Variants in WDR38 observed in about 807,000 individuals in gnomAD.
WDR38 encodes the protein WD repeat domain 38, also known as WD repeat-containing protein 38.
A neutral mutation model predicts 36.6 loss-of-function variants in WDR38; 37 were observed. The observed-to-expected ratio is 1.01, with a 90% CI of 0.78 to 1.33. The LOEUF (loss-of-function observed/expected upper bound fraction) is 1.33. Among genes scored for constraint, WDR38 ranks in the 40% most tolerant of loss-of-function variants. The probability of loss-of-function intolerance (pLI) is 0.00; values close to 1 mark genes in which losing one functional copy is unlikely to be tolerated. For synonymous variants in WDR38, 164 were observed against 168.1 expected (o/e 0.98, Z 0.19); for missense variants, 411 against 414.6 (o/e 0.99, Z 0.07).
intron 5 of WDR38, 44 bp downstream of exon 5, chr9:124,856,364 AC>A (rs775926762): frequency 6.8e-6 from 11 of 1,612,964 alleles, no homozygotes; most frequent in Non-Finnish European, 5.1e-6. Flanking sequence ...GTGGCCCCAT[AC>A]CCACTTGGAG....
In WDR38 at chr9:124,853,539, G is replaced by A; in HGVS notation, c.8G>A (p.Ser3Asn). 2 of 1,246,922 alleles carry A rather than the reference G, an allele frequency of 1.6e-6. No homozygotes were observed. The highest frequency in any genetic ancestry group is 2.0e-6 in the Non-Finnish European group (2 of 988,922). 77.2% of individuals were successfully genotyped at this position (1,246,922 alleles called of 1,614,324 possible). The stretch of plus-strand genomic sequence containing the variant: ...GGGCGGGGCCGGGTGCCCATGAACA[G>A]CGGGGTCCCGGCCACGCTGGCCGTG... MN[S>N]GVPATLAVRR... Residue 3 changes from serine to asparagine, a missense_variant, in exon 1 of 9, where the codon AGC (serine) becomes AAC (asparagine). Transcript: ENST00000373574.
In WDR38 at chr9:124,857,761, C is replaced by G; in HGVS notation, c.*131C>G. The G allele has an allele frequency of 1.3e-6, 2 of 1,513,562 alleles. No homozygotes were observed. The highest frequency in any genetic ancestry group is 2.7e-5 in the African/African-American group (2 of 72,946). 93.8% of individuals were successfully genotyped at this position (1,513,562 alleles called of 1,614,324 possible). On this transcript the variant is annotated 3_prime_UTR_variant, in exon 9 of 9. Transcript: ENST00000373574. ...ATCCCCATGGCCAGGACTCTCCAGG[C>G]CCCACCAGAGCAGACAACTGTGGTG...
At position 124,853,591 on chromosome 9, in the gene WDR38, C is replaced by A; in HGVS notation, c.60C>A (p.His20Gln). 1 of 1,270,736 alleles carries A rather than the reference C, an allele frequency of 7.9e-7. No individual in the cohort carries two copies. Among genetic ancestry groups the A allele is most frequent in the Non-Finnish European group, 1.0e-6 (1 of 1,000,860 alleles). The allele number at this position is 1,270,736 out of a possible 1,614,324, so 78.7% of individuals were successfully genotyped here. Residue 20 changes from histidine (H) to glutamine (Q), a missense_variant, in exon 1 of 9, where the codon CAC becomes CAA. By Grantham distance (24) the His-to-Gln change is conservative. Coordinates refer to ENST00000373574, the MANE Select transcript of WDR38 (RefSeq NM_001045476.3). ...AVRRVKFFGQ[H>Q]GGEVNSSAFS... ...GGAGAGTGAAATTCTTCGGCCAGCACGGCGGGGAGGTGAGGTCCAGCGGGC... is the reference window on the plus strand; with the variant it reads ...GGAGAGTGAAATTCTTCGGCCAGCAAGGCGGGGAGGTGAGGTCCAGCGGGC...
chr9:124,856,120 C>T (rs1829054210), intron 4 of WDR38, 120 bp from the exon 5 acceptor site: 2 of 1,535,720 alleles, frequency 1.3e-6, no homozygotes, highest in East Asian at 2.3e-5. Context: ...GCCGCCTCTC[C>T]AGGCTTCCTT....
intron 1 of WDR38, 40 bp downstream of exon 1, chr9:124,853,640 A>T: frequency 4.8e-6 from 6 of 1,254,210 alleles, no homozygotes; most frequent in Non-Finnish European, 4.0e-6. Flanking sequence ...CCGGCTTTGG[A>T]TGCAGAGTGG....
At position 124,854,283 on chromosome 9, in the gene WDR38, ACCCGGAGT is replaced by A; in HGVS notation, c.149_156del (p.Thr50ArgfsTer22). Reference sequence around the variant, plus strand: ...AGATGGCTGCGTGTATGGCTGGGAGACCCGGAGTGGGCAGCTGCTGTGGAGGCTGGGTG... The same window carrying A: ...AGATGGCTGCGTGTATGGCTGGGAGAGGGCAGCTGCTGTGGAGGCTGGGTG... On this transcript the variant is annotated frameshift_variant, in exon 2 of 9. Coordinates refer to ENST00000373574, the MANE Select transcript of WDR38 (RefSeq NM_001045476.3). LOFTEE classifies it high-confidence loss of function. 1 of 1,613,888 alleles carries A rather than the reference ACCCGGAGT, an allele frequency of 6.2e-7. No homozygotes were observed. The highest frequency in any genetic ancestry group is 2.2e-5 in the East Asian group (1 of 44,866).
At chr9:124,854,394 G>C (rs1828992495) in intron 2 of WDR38, 69 bp downstream of exon 2, 1 of 1,600,102 alleles carries the variant, frequency 6.2e-7, no homozygotes, top group African/African-American at 1.3e-5. Context: ...GCTGACTGCA[G>C]TGACCTCCGA....
At position 124,857,518 on chromosome 9, in the gene WDR38, CCCA is replaced by C; in HGVS notation, c.835_837del (p.His279del). The C allele has an allele frequency of 6.2e-7, 1 of 1,614,170 alleles. No individual in the cohort carries two copies. The highest frequency in any genetic ancestry group is 1.1e-5 in the South Asian group (1 of 91,088). ...TCTTAGCAGGGAGTCCTGGATGTGG[CCCA>C]CACCTGTGCCTTCACCCCAGATGGG... On this transcript the variant is annotated inframe_deletion, in exon 9 of 9. Coordinates refer to ENST00000373574, the MANE Select transcript of WDR38 (RefSeq NM_001045476.3).
At chr9:124,854,708 C>T (rs1382959196) in intron 2 of WDR38, among the ~76,000 whole-genome samples, 3 of 152,106 alleles carry the variant, frequency 2.0e-5, no homozygotes, top group Non-Finnish European at 4.4e-5. Context: ...GAATTATAGA[C>T]ACCTGCTACC....
At position 124,857,590 on chromosome 9, in the gene WDR38, T is replaced by C. The variant is rs1211020805; in HGVS notation, c.905T>C (p.Ile302Thr). 1.2e-6 allele frequency: 2 copies of C among 1,614,124 alleles called. No homozygotes were observed. The highest frequency in any genetic ancestry group is 2.2e-5 in the South Asian group (2 of 91,086). ...SGAADQTRRQ[I>T]SRTSKSPRDP... ...GCTGCCGATCAGACTAGACGTCAAA[T>C]ATCCCGCACGTCCAAATCACCCAGG... The change falls in exon 9 of 9, where the codon ATA becomes ACA. Residue 302 changes from isoleucine to threonine, a missense_variant. By Grantham distance (89) the Ile-to-Thr change is moderately conservative. Transcript: ENST00000373574.
chr9:124,857,456 T>C (rs1403578302), intron 8 of WDR38, 45 bp downstream of exon 8: 1 of 1,613,974 alleles, frequency 6.2e-7, no homozygotes, highest in Non-Finnish European at 8.5e-7. Flanking sequence ...GGACAGCTTC[T>C]CCCAAGGCAG....
rs569302750 is a variant in WDR38, at chr9:124,856,425, G to A, written c.487-44G>A. 4 of 1,612,124 alleles carry A rather than the reference G, an allele frequency of 2.5e-6. No individual in the cohort carries two copies. In the African/African-American group the frequency reaches 5.3e-5, roughly 21 times the overall value. On this transcript the variant is annotated intron_variant, in intron 5 of 8. Transcript: ENST00000373574. Reference sequence around the variant, plus strand: ...TCTGGGTCCCGCCTAGATGCAGAGTGGGTGGAGAGCTGGCTGGGCCAGACT... The same window carrying A: ...TCTGGGTCCCGCCTAGATGCAGAGTAGGTGGAGAGCTGGCTGGGCCAGACT...
chr9:124,853,520 G>T lies in WDR38; in HGVS notation c.-12G>T. On this transcript the variant is annotated 5_prime_UTR_variant, in exon 1 of 9. Coordinates refer to ENST00000373574, the MANE Select transcript of WDR38 (RefSeq NM_001045476.3). The stretch of plus-strand genomic sequence containing the variant: ...GAGGGAGCCCGCCGGGGCGGGGCGG[G>T]GCCGGGTGCCCATGAACAGCGGGGT... 8.0e-7 allele frequency: 1 copy of T among 1,243,620 alleles called. No individual in the cohort carries two copies. The highest frequency in any genetic ancestry group is 4.1e-5 in the South Asian group (1 of 24,344). 77.0% of individuals were successfully genotyped at this position (1,243,620 alleles called of 1,614,324 possible).
chr9:124,856,864 G>A lies in WDR38; in HGVS notation c.751G>A (p.Ala251Thr), dbSNP rs201585509. ...TCCCGACGAGCTGTGGCTGGCCAGC[G>A]CCGGCTATTCCCGCATGGTAACCAC... ...FSPDELWLAS[A>T]GYSRMVKVWD... Residue 251 changes from alanine to threonine, a missense_variant, in exon 7 of 9, where the codon GCC (alanine) becomes ACC (threonine). Transcript: ENST00000373574. 3.8e-5 allele frequency: 61 copies of A among 1,613,892 alleles called. No homozygotes were observed. Among genetic ancestry groups the A allele is most frequent in the African/African-American group, 6.7e-5 (5 of 74,922 alleles).
chr9:124,857,802 G>A lies in WDR38; in HGVS notation c.*172G>A. 4 of 1,522,598 alleles carry A rather than the reference G, an allele frequency of 2.6e-6. No individual in the cohort carries two copies. 94.3% of individuals were successfully genotyped at this position (1,522,598 alleles called of 1,614,324 possible). A position where few individuals can be genotyped will look rare whatever the true frequency, so the allele number is the denominator to read the frequency against. On this transcript the variant is annotated 3_prime_UTR_variant, in exon 9 of 9. Coordinates refer to ENST00000373574, the MANE Select transcript of WDR38 (RefSeq NM_001045476.3). ...AACTGTGGTGGGCAGGACGCTTGCT[G>A]GAACCCATCAGACACCTGGTCCCCA...
Position 124,854,259 on chromosome 9 carries a change from G to A in WDR38, c.124G>A (p.Asp42Asn). 1 of 1,614,144 alleles carries A rather than the reference G, an allele frequency of 6.2e-7. No individual in the cohort carries two copies. The highest frequency in any genetic ancestry group is 8.5e-7 in the Non-Finnish European group (1 of 1,179,996). The change falls in exon 2 of 9, where the codon GAT becomes AAT. Residue 42 changes from aspartate (D) to asparagine (N), a missense_variant. Physicochemically the swap from Asp to Asn is conservative, Grantham distance 23. Coordinates refer to ENST00000373574, the MANE Select transcript of WDR38 (RefSeq NM_001045476.3). ...DGQMLLTGSE[D>N]GCVYGWETRS... Reference sequence around the variant, plus strand: ...CCAGATGCTGCTCACAGGCTCAGAAGATGGCTGCGTGTATGGCTGGGAGAC... The same window carrying A: ...CCAGATGCTGCTCACAGGCTCAGAAAATGGCTGCGTGTATGGCTGGGAGAC...
In WDR38 at chr9:124,854,238, A is replaced by T; in HGVS notation, c.103A>T (p.Met35Leu). Residue 35 changes from methionine to leucine, a missense_variant, in exon 2 of 9, where the codon ATG becomes TTG. Coordinates refer to ENST00000373574, the MANE Select transcript of WDR38 (RefSeq NM_001045476.3). ...TTCTGCCTTCTCCCCTGATGGCCAGATGCTGCTCACAGGCTCAGAAGATGG... is the reference window on the plus strand; with the variant it reads ...TTCTGCCTTCTCCCCTGATGGCCAGTTGCTGCTCACAGGCTCAGAAGATGG... ...NSSAFSPDGQ[M>L]LLTGSEDGCV... 1 of 1,614,180 alleles carries T rather than the reference A, an allele frequency of 6.2e-7. No homozygotes were observed. The highest frequency in any genetic ancestry group is 1.7e-5 in the Admixed American group (1 of 60,026).
At position 124,854,048 on chromosome 9, in the gene WDR38, G is replaced by C. The variant is rs895083582; in HGVS notation, c.70-157G>C. The stretch of plus-strand genomic sequence containing the variant: ...GGCTCTGGCTTTACGGGACTCGAGA[G>C]AGGGCCCAGTGGGTCCCGGGTTCTG... On this transcript the variant is annotated intron_variant, in intron 1 of 8. Coordinates refer to ENST00000373574, the MANE Select transcript of WDR38 (RefSeq NM_001045476.3). Among the ~76,000 whole-genome samples, 71 of 152,186 alleles carry C rather than the reference G, an allele frequency of 4.7e-4. 1 individual carries two copies. Among genetic ancestry groups the C allele is most frequent in the Non-Finnish European group, 2.1e-4 (14 of 68,040 alleles).
rs137875498 is a variant in WDR38 at position 124,855,784 on chromosome 9, C to T, written c.307+34C>T. The T allele has an allele frequency of 4.1e-4, 656 of 1,613,180 alleles. 6 individuals are homozygous for T. The African/African-American group carries it at 5.4e-3, about 13-fold the overall frequency. ...GCTGGGAGCCAAGCAGCCAGGCCAG[C>T]GTTCCCTTTCAGATGGTGCTGTGTC... On this transcript the variant is annotated intron_variant, in intron 3 of 8. Transcript: ENST00000373574.
Sources: gnomAD v4.1 joint callset for allele counts (sites outside exome capture counted in the v4.1 genomes callset) on GRCh38, gnomAD v4.1.1 for gene constraint, MANE v1.5 for transcripts, NCBI Gene and HGNC (gene_info 2026-07-23, HGNC 2026-07-21) for gene names.